UNC13C: variants seen among roughly 807,000 people sequenced by gnomAD.
UNC13C encodes protein unc-13 homolog C.
In UNC13C, 174 loss-of-function variants were observed where a neutral mutation model predicts 245.4. That is an observed-to-expected ratio of 0.71 (90% CI 0.63 to 0.80). The LOEUF (loss-of-function observed/expected upper bound fraction) is 0.80, where lower values mean the gene tolerates loss of function less well. Ranked by LOEUF, UNC13C falls within the 30% of genes least tolerant of loss-of-function variation. The pLI is 0.00. For missense variants in UNC13C, 2,829 were observed against 2,602.9 expected (o/e 1.09, Z -1.89); for synonymous variants, 992 against 895.1 (o/e 1.11, Z -1.93).
At chr15:53,839,128 T>C in the UNC13C span, among the ~76,000 whole-genome samples, 1 of 152,068 alleles carries the variant, frequency 6.6e-6, no homozygotes, top group African/African-American at 2.4e-5. Context: ...TGTATATGCA[T>C]GTATATATGG....
At chr15:53,932,545 A>G in the UNC13C span, among the ~76,000 whole-genome samples, 1 of 152,152 alleles carries the variant, frequency 6.6e-6, no homozygotes, top group African/African-American at 2.4e-5. Flanking sequence ...TACCCAAGGC[A>G]ATTAGACATA....
intron 17 of UNC13C, among the ~76,000 whole-genome samples, chr15:54,355,499 G>T (rs1017201160): frequency 6.6e-6 from 1 of 151,924 alleles, no homozygotes; most frequent in African/African-American, 2.4e-5. Context: ...TGGGGCTACA[G>T]GCACGCACCA....
At chr15:54,178,053 A>C (rs1343270814) in intron 4 of UNC13C, among the ~76,000 whole-genome samples, 3 of 152,040 alleles carry the variant, frequency 2.0e-5, no homozygotes, top group Non-Finnish European at 4.4e-5. Flanking sequence ...ACTTTCCTCT[A>C]TCTTTCCCTT....
chr15:54,177,054 A>G (rs957434126), intron 4 of UNC13C, among the ~76,000 whole-genome samples: 2 of 152,116 alleles, frequency 1.3e-5, no homozygotes, highest in Non-Finnish European at 2.9e-5. Flanking sequence ...CTCTTATTAT[A>G]TAGTCTAGAA....
intron 19 of UNC13C, among the ~76,000 whole-genome samples, chr15:54,467,301 A>G (rs1892227525): frequency 6.6e-6 from 1 of 151,826 alleles, no homozygotes; most frequent in South Asian, 2.1e-4. Flanking sequence ...AATGATGGCT[A>G]TTTAAATCCA....
chr15:53,953,610 A>G, the UNC13C span, among the ~76,000 whole-genome samples: 10 of 152,340 alleles, frequency 6.6e-5, no homozygotes, highest in African/African-American at 2.2e-4. Flanking sequence ...GCTTTGTGGC[A>G]GAGACTGGAG....
intron 7 of UNC13C, among the ~76,000 whole-genome samples, chr15:54,246,129 A>G (rs1051283879): frequency 6.6e-6 from 1 of 152,200 alleles, no homozygotes; most frequent in Non-Finnish European, 1.5e-5. Flanking sequence ...GGTAGTAATC[A>G]ATAGAAAAGG....
intron 17 of UNC13C, 30 bp downstream of exon 17, chr15:54,338,519 G>A (rs372372217): frequency 2.7e-5 from 43 of 1,603,052 alleles, no homozygotes; most frequent in African/African-American, 1.1e-4. Flanking sequence ...TTTTATAATC[G>A]CCACTTTTGT....
At chr15:54,007,731 C>G (rs960724815) in intron 1 of UNC13C, among the ~76,000 whole-genome samples, 2 of 152,160 alleles carry the variant, frequency 1.3e-5, no homozygotes, top group African/African-American at 2.4e-5. Context: ...ATCTATGTAA[C>G]AAACCTGCAC....
intron 10 of UNC13C, among the ~76,000 whole-genome samples, chr15:54,280,011 C>T (rs939423982): frequency 2.0e-5 from 3 of 152,062 alleles, no homozygotes; most frequent in African/African-American, 7.2e-5. Flanking sequence ...TAAGCACATA[C>T]GTGTTTCTGG....
intron 17 of UNC13C, among the ~76,000 whole-genome samples, chr15:54,372,535 C>T (rs1337427284): frequency 6.6e-6 from 1 of 152,140 alleles, no homozygotes; most frequent in Non-Finnish European, 1.5e-5. Flanking sequence ...GATTCCTTTT[C>T]TTTTCATTAT....
At chr15:54,603,286 C>T (rs1470068203) in intron 30 of UNC13C, among the ~76,000 whole-genome samples, 1 of 152,182 alleles carries the variant, frequency 6.6e-6, no homozygotes, top group Non-Finnish European at 1.5e-5. Flanking sequence ...GTATGACTCT[C>T]TTTTAATCAT....
chr15:54,415,240 A>T (rs1367214060), intron 19 of UNC13C, among the ~76,000 whole-genome samples, 173 bp downstream of exon 19: 1 of 152,166 alleles, frequency 6.6e-6, no homozygotes, highest in Non-Finnish European at 1.5e-5. Flanking sequence ...AGTACTCAAA[A>T]AGCCCTAAAG....
At chr15:54,049,634 T>A (rs1897188944) in intron 2 of UNC13C, 1 of 252,680 alleles carries the variant, frequency 4.0e-6, no homozygotes, top group Non-Finnish European at 7.8e-6. Flanking sequence ...AAAAACAACA[T>A]GCCCAATTCC....
At chr15:54,297,724 T>G (rs2037473456) in intron 11 of UNC13C, 87 bp from the exon 12 acceptor site, 1 of 1,019,796 alleles carries the variant, frequency 9.8e-7, no homozygotes, top group Non-Finnish European at 1.5e-6. Flanking sequence ...CGTTTTTTTG[T>G]TTTTTTGTTT....
At chr15:54,221,587 AAT>A (rs1466650492) in intron 4 of UNC13C, among the ~76,000 whole-genome samples, 9 of 152,014 alleles carry the variant, frequency 5.9e-5, no homozygotes, top group African/African-American at 2.2e-4. Context: ...AGTCTAACAG[AAT>A]AAAGTTGTAT....
the UNC13C span, among the ~76,000 whole-genome samples, chr15:53,863,510 AAC>A: frequency 1.3e-5 from 2 of 152,220 alleles, no homozygotes; most frequent in Non-Finnish European, 2.9e-5. Context: ...ATACAGGCAC[AAC>A]AGATTTTAAT....
At chr15:54,416,050 C>T (rs2040513617) in intron 19 of UNC13C, among the ~76,000 whole-genome samples, 1 of 152,062 alleles carries the variant, frequency 6.6e-6, no homozygotes, top group South Asian at 2.1e-4. Flanking sequence ...TCAGTGGGCC[C>T]AATGATCAAG....
chr15:54,485,606 A>G (rs1893362673), intron 19 of UNC13C, among the ~76,000 whole-genome samples: 2 of 152,224 alleles, frequency 1.3e-5, no homozygotes, highest in Admixed American at 1.3e-4. Context: ...AAATCAGACC[A>G]AAATCATGCA....
Sources: allele counts gnomAD v4.1 joint callset (sites outside exome capture counted in the v4.1 genomes callset), GRCh38; gene constraint gnomAD v4.1.1; transcripts MANE v1.5; gene names NCBI Gene and HGNC (gene_info 2026-07-23, HGNC 2026-07-21).